Variants in SRPK2 observed in about 807,000 individuals in gnomAD.
The protein encoded by SRPK2 is SRSF protein kinase 2.
In SRPK2, 21 loss-of-function variants were observed where a neutral mutation model predicts 90.8. The ratio of observed to expected loss-of-function variants is 0.23; its 90% confidence interval spans 0.16 to 0.33. The LOEUF is 0.33. SRPK2 is among the 10% of genes least tolerant of loss of function. SRPK2 has a pLI of 1.00. For missense variants in SRPK2, 620 were observed against 869.0 expected (o/e 0.71, Z 3.60); for synonymous variants, 288 against 311.1 (o/e 0.93, Z 0.78).
In SRPK2 at chr7:105,146,486, C is replaced by A; in HGVS notation, c.787+7G>T. 1 of 1,613,670 alleles carries A rather than the reference C, an allele frequency of 6.2e-7. No homozygotes were observed. Among genetic ancestry groups the A allele is most frequent in the Non-Finnish European group, 8.5e-7 (1 of 1,179,740 alleles). On this transcript the variant is annotated splice_region_variant and intron_variant, in intron 8 of 15. Coordinates refer to ENST00000393651, the MANE Select transcript of SRPK2 (RefSeq NM_182692.3). ...ACACTGAAATGAAGCTGGCTCAGCT[C>A]CCTCACCTGCAGACCCTGAAGGAGG...
At chr7:105,206,077 G>C (rs927465060) in intron 2 of SRPK2, 3 of 504,520 alleles carry the variant, frequency 5.9e-6, no homozygotes, top group Non-Finnish European at 1.2e-5. Flanking sequence ...TGGGGCTGTC[G>C]TGTGCACTGT....
rs58717493 is a variant in SRPK2, at chr7:105,245,034, AACACACACACACACAC to A, written c.72-41265_72-41250del. On this transcript the variant is annotated intron_variant, in intron 2 of 15. Coordinates refer to ENST00000393651, the MANE Select transcript of SRPK2 (RefSeq NM_182692.3). ...TTGAGAGGAAAAACAAAACAAAACAAACACACACACACACACACACACACACACACACACACACACC... is the reference window on the plus strand; with the variant it reads ...TTGAGAGGAAAAACAAAACAAAACAAACACACACACACACACACACACACC... The A allele has an allele frequency of 1.6e-3, 840 of 524,246 alleles. 7 individuals are homozygous for A. The highest frequency in any genetic ancestry group is 0.011 in the African/African-American group (543 of 51,280). The allele number at this position is 524,246 out of a possible 1,614,324, so 32.5% of individuals were successfully genotyped here.
chr7:105,177,002 G>A (rs932666281), intron 3 of SRPK2, among the ~76,000 whole-genome samples: 1 of 152,052 alleles, frequency 6.6e-6, no homozygotes, highest in Non-Finnish European at 1.5e-5. Flanking sequence ...CTAATGGACT[G>A]TCATTTTCTT....
intron 2 of SRPK2, among the ~76,000 whole-genome samples, chr7:105,359,744 C>T (rs1045100418): frequency 2.6e-5 from 4 of 152,152 alleles, no homozygotes; most frequent in South Asian, 2.1e-4. Flanking sequence ...TCCTTCCAAC[C>T]CCCACCTTTT....
At chr7:105,166,365 A>G (rs1327319562) in intron 6 of SRPK2, among the ~76,000 whole-genome samples, 2 of 152,230 alleles carry the variant, frequency 1.3e-5, no homozygotes, top group Admixed American at 1.3e-4. Flanking sequence ...AATACCAACG[A>G]TATCTGACGA....
chr7:105,250,019 A>G (rs1172686975), intron 2 of SRPK2, among the ~76,000 whole-genome samples: 1 of 152,162 alleles, frequency 6.6e-6, no homozygotes. Context: ...GCTAAGCGTT[A>G]TTCTACTGTT....
intron 2 of SRPK2, among the ~76,000 whole-genome samples, chr7:105,342,364 TAAAATA>T (rs1487658630): frequency 6.7e-6 from 1 of 149,448 alleles, no homozygotes; most frequent in East Asian, 1.9e-4. Context: ...AATAATTAAA[TAAAATA>T]AAAATATAAA....
At chr7:105,189,005 G>A (rs772831810) in intron 3 of SRPK2, among the ~76,000 whole-genome samples, 1 of 152,148 alleles carries the variant, frequency 6.6e-6, no homozygotes, top group Non-Finnish European at 1.5e-5. Context: ...CAGAGAATGA[G>A]CTAAGAAGAA....
At chr7:105,126,870 C>T (rs377118158) in intron 14 of SRPK2, 123 bp downstream of exon 14, 1 of 934,368 alleles carries the variant, frequency 1.1e-6, no homozygotes, top group East Asian at 2.4e-5. Context: ...GGAAAAGCAT[C>T]TGAATTTGGT....
chr7:105,217,743 G>GA (rs991646488), intron 2 of SRPK2, among the ~76,000 whole-genome samples: 11 of 152,132 alleles, frequency 7.2e-5, no homozygotes, highest in Admixed American at 1.3e-4. Flanking sequence ...GCTAAAATGA[G>GA]AAAAAAATGA....
chr7:105,120,725 A>G (rs975679251), intron 15 of SRPK2, among the ~76,000 whole-genome samples: 1 of 152,104 alleles, frequency 6.6e-6, no homozygotes, highest in African/African-American at 2.4e-5. Context: ...AAATCAACTC[A>G]CCCAGATGCT....
downstream of SRPK2, among the ~76,000 whole-genome samples, chr7:105,115,111 G>A (rs1584827043): frequency 6.6e-6 from 1 of 152,134 alleles, no homozygotes; most frequent in Admixed American, 6.6e-5. Flanking sequence ...GTGAACTGCA[G>A]AATCTTATAC....
At chr7:105,349,261 G>A (rs1378494557) in intron 2 of SRPK2, among the ~76,000 whole-genome samples, 3 of 151,498 alleles carry the variant, frequency 2.0e-5, no homozygotes, top group African/African-American at 4.9e-5. Flanking sequence ...GGTGGCTCAC[G>A]CCTGTAATCC....
At chr7:105,202,755 T>G (rs1388210453) in intron 3 of SRPK2, among the ~76,000 whole-genome samples, 1 of 152,256 alleles carries the variant, frequency 6.6e-6, no homozygotes, top group Non-Finnish European at 1.5e-5. Context: ...TCTTTTTCGT[T>G]AAGTACAATG....
chr7:105,284,061 GTTT>G, intron 2 of SRPK2, among the ~76,000 whole-genome samples: 1 of 151,802 alleles, frequency 6.6e-6, no homozygotes, highest in African/African-American at 2.4e-5. Context: ...TTTTTTGTTT[GTTT>G]TTTTTGTTTG....
At position 105,346,127 on chromosome 7, in the gene SRPK2, A is replaced by C. The variant is rs1250515538; in HGVS notation, c.71+42521T>G. On this transcript the variant is annotated intron_variant, in intron 2 of 15. Coordinates refer to ENST00000393651, the MANE Select transcript of SRPK2 (RefSeq NM_182692.3). ...AGGTGTACTTTATATCAAAGCTGTAAAAACTTCTAAGGTTTTCTAATCCAG... is the reference window on the plus strand; with the variant it reads ...AGGTGTACTTTATATCAAAGCTGTACAAACTTCTAAGGTTTTCTAATCCAG... Among the ~76,000 whole-genome samples, 10 of 152,232 alleles carry C rather than the reference A, an allele frequency of 6.6e-5. No individual in the cohort carries two copies. The East Asian group carries it at 1.7e-3, about 26-fold the overall frequency.
intron 7 of SRPK2, among the ~76,000 whole-genome samples, chr7:105,157,718 A>C (rs1047130487): frequency 1.2e-4 from 19 of 152,194 alleles, no homozygotes; most frequent in Non-Finnish European, 5.9e-5. Context: ...TGAACTAAAG[A>C]AATAATATAA....
intron 11 of SRPK2, among the ~76,000 whole-genome samples, chr7:105,141,533 C>A (rs900488609): frequency 1.3e-5 from 2 of 152,094 alleles, no homozygotes; most frequent in Admixed American, 1.3e-4. Flanking sequence ...GGCCAGTTAC[C>A]AATAGTAGGG....
At chr7:105,210,079 G>A (rs1796672269) in intron 2 of SRPK2, among the ~76,000 whole-genome samples, 1 of 152,142 alleles carries the variant, frequency 6.6e-6, no homozygotes, top group African/African-American at 2.4e-5. Context: ...AATTGCCATG[G>A]CAACCAGATG....
Sources: allele counts gnomAD v4.1 joint callset (sites outside exome capture counted in the v4.1 genomes callset), GRCh38; gene constraint gnomAD v4.1.1; transcripts MANE v1.5; gene names NCBI Gene and HGNC (gene_info 2026-07-23, HGNC 2026-07-21).